Variants in CTNNA3 observed in about 807,000 individuals in gnomAD.
CTNNA3 encodes the protein catenin alpha 3.
CTNNA3 carries 76 observed loss-of-function variants against 95.7 expected under a neutral mutation model. The ratio of observed to expected loss-of-function variants is 0.79; its 90% confidence interval spans 0.66 to 0.96. The LOEUF (loss-of-function observed/expected upper bound fraction) is 0.96. Ranked by LOEUF, CTNNA3 falls within the 40% of genes least tolerant of loss-of-function variation. The pLI is 0.00. For synonymous variants in CTNNA3, 431 were observed against 374.4 expected (o/e 1.15, Z -1.74); for missense variants, 1,191 against 1,089.8 (o/e 1.09, Z -1.31).
intron 7 of CTNNA3, among the ~76,000 whole-genome samples, chr10:66,893,705 TA>T (rs1303466022): frequency 6.6e-6 from 1 of 152,180 alleles, no homozygotes; most frequent in Non-Finnish European, 1.5e-5. Flanking sequence ...AAACCTAATG[TA>T]CTCAAATTCA....
At chr10:67,157,984 G>C (rs1324368431) in intron 7 of CTNNA3, among the ~76,000 whole-genome samples, 1 of 152,124 alleles carries the variant, frequency 6.6e-6, no homozygotes, top group Non-Finnish European at 1.5e-5. Flanking sequence ...AAATTACATA[G>C]AAAGAGATCC....
At chr10:67,179,866 GC>G (rs1200335679) in intron 7 of CTNNA3, among the ~76,000 whole-genome samples, 1 of 152,002 alleles carries the variant, frequency 6.6e-6, no homozygotes, top group Non-Finnish European at 1.5e-5. Flanking sequence ...ATAACAACCT[GC>G]ATGGGCTCTT....
intron 14 of CTNNA3, 65 bp from the exon 15 acceptor site, chr10:66,069,554 A>C (rs2080387639): frequency 8.2e-7 from 1 of 1,221,598 alleles, no homozygotes; most frequent in Admixed American, 2.3e-5. Context: ...AGGAATAAGT[A>C]GATATTATAG....
intron 10 of CTNNA3, among the ~76,000 whole-genome samples, chr10:66,538,588 G>T (rs549076881): frequency 2.6e-5 from 4 of 152,108 alleles, no homozygotes; most frequent in African/African-American, 4.8e-5. Context: ...AGATAGATAC[G>T]TGACTCTCCT....
chr10:67,575,255 C>A (rs983236967), intron 3 of CTNNA3, among the ~76,000 whole-genome samples: 20 of 151,078 alleles, frequency 1.3e-4, no homozygotes, highest in African/African-American at 3.6e-4. Context: ...CTCTTTCAAT[C>A]ATAATAACTA....
At chr10:66,289,899 A>T (rs905915470) in intron 12 of CTNNA3, among the ~76,000 whole-genome samples, 9 of 152,064 alleles carry the variant, frequency 5.9e-5, no homozygotes, top group Non-Finnish European at 1.3e-4. Context: ...ATAAAATGAA[A>T]AAGTTGGTTT....
chr10:66,589,878 T>C (rs1433948170), intron 10 of CTNNA3, among the ~76,000 whole-genome samples: 3 of 152,058 alleles, frequency 2.0e-5, no homozygotes, highest in Non-Finnish European at 2.9e-5. Context: ...TGTACTGTGA[T>C]ATATGAATTG....
At chr10:66,815,544 A>G (rs1276507359) in intron 7 of CTNNA3, among the ~76,000 whole-genome samples, 1 of 152,130 alleles carries the variant, frequency 6.6e-6, no homozygotes, top group Non-Finnish European at 1.5e-5. Flanking sequence ...CGAATCTTTC[A>G]TATTCAAATA....
At chr10:66,492,122 T>C (rs943376189) in intron 11 of CTNNA3, among the ~76,000 whole-genome samples, 1 of 152,160 alleles carries the variant, frequency 6.6e-6, no homozygotes, top group Admixed American at 6.5e-5. Context: ...CTTTTCTCAA[T>C]GTTTCCCACA....
intron 13 of CTNNA3, among the ~76,000 whole-genome samples, chr10:66,118,912 A>G (rs2082452830): frequency 6.6e-6 from 1 of 151,892 alleles, no homozygotes; most frequent in Non-Finnish European, 1.5e-5. Context: ...TATATTTATT[A>G]TTACTATTTT....
intron 7 of CTNNA3, among the ~76,000 whole-genome samples, chr10:66,888,141 C>G (rs1413562925): frequency 2.6e-5 from 4 of 152,058 alleles, no homozygotes; most frequent in Non-Finnish European, 4.4e-5. Context: ...AGGCAACAGC[C>G]TGAAGTGTAT....
At chr10:66,548,417 C>T (rs1842105075) in intron 10 of CTNNA3, among the ~76,000 whole-genome samples, 1 of 151,942 alleles carries the variant, frequency 6.6e-6, no homozygotes, top group African/African-American at 2.4e-5. Flanking sequence ...CCAATTCTTC[C>T]TCTTTCTGTT....
chr10:66,781,187 C>T (rs543680293), intron 7 of CTNNA3, among the ~76,000 whole-genome samples: 5 of 152,112 alleles, frequency 3.3e-5, no homozygotes, highest in Non-Finnish European at 7.4e-5. Flanking sequence ...GGAATTCAAA[C>T]AGCAGGAAAA....
At chr10:65,958,985 C>G (rs916177086) in intron 17 of CTNNA3, among the ~76,000 whole-genome samples, 1 of 152,192 alleles carries the variant, frequency 6.6e-6, no homozygotes, top group African/African-American at 2.4e-5. Flanking sequence ...TGCCCTGCCC[C>G]CAGAGGTGAA....
At chr10:67,186,891 T>C (rs962291664) in intron 6 of CTNNA3, among the ~76,000 whole-genome samples, 5 of 152,216 alleles carry the variant, frequency 3.3e-5, no homozygotes, top group Non-Finnish European at 5.9e-5. Flanking sequence ...TCTTCTATTA[T>C]ATTATTTTGT....
At chr10:65,973,436 CA>C (rs1290396370) in intron 16 of CTNNA3, among the ~76,000 whole-genome samples, 1 of 152,046 alleles carries the variant, frequency 6.6e-6, no homozygotes, top group African/African-American at 2.4e-5. Flanking sequence ...AAAATATTTG[CA>C]AACTATGAAT....
chr10:67,308,976 C>A (rs1840671189), intron 5 of CTNNA3, among the ~76,000 whole-genome samples: 2 of 152,062 alleles, frequency 1.3e-5, no homozygotes, highest in African/African-American at 2.4e-5. Flanking sequence ...ACCTCTTAAC[C>A]TTAATTCCAA....
At chr10:67,112,613 G>T (rs1001701347) in intron 7 of CTNNA3, among the ~76,000 whole-genome samples, 1 of 127,164 alleles carries the variant, frequency 7.9e-6, no homozygotes, top group South Asian at 2.4e-4. Flanking sequence ...GACTTCATTC[G>T]TTTTTCATTC....
In CTNNA3 at chr10:66,097,808, T is replaced by G. The variant is rs184156313; in HGVS notation, c.1977+5349A>C. ...TCTCTACTACGACTGCTGCCCCTAT[T>G]GCAGAAAATAAAACAGGAAAAACTT... On this transcript the variant is annotated intron_variant, in intron 14 of 17. Transcript: ENST00000433211. Among the ~76,000 whole-genome samples the G allele has an allele frequency of 2.6e-5, 4 of 152,222 alleles. No homozygotes were observed. The East Asian group carries it at 7.7e-4, about 29-fold the overall frequency.
Sources: gnomAD v4.1 joint callset for allele counts (sites outside exome capture counted in the v4.1 genomes callset) on GRCh38, gnomAD v4.1.1 for gene constraint, MANE v1.5 for transcripts, NCBI Gene and HGNC (gene_info 2026-07-23, HGNC 2026-07-21) for gene names.